The following FRMD6 variants were observed in gnomAD, a reference collection of about 807,000 sequenced individuals.
FRMD6 encodes FERM domain-containing protein 6.
FRMD6 carries 37 observed loss-of-function variants against 73.2 expected under a neutral mutation model. That is an observed-to-expected ratio of 0.51 (90% CI 0.39 to 0.66). The LOEUF is 0.66. Ranked by LOEUF, FRMD6 falls within the 30% of genes least tolerant of loss-of-function variation. The pLI, the probability that FRMD6 is intolerant of heterozygous loss-of-function variation, is 0.00. For synonymous variants in FRMD6, 273 were observed against 282.2 expected, an observed-to-expected ratio of 0.97 and a Z score of 0.33; for missense variants, 714 against 780.5, an observed-to-expected ratio of 0.91 and a Z score of 1.02.
intron 2 of FRMD6, among the ~76,000 whole-genome samples, chr14:51,693,622 T>G (rs1895751949): frequency 6.6e-6 from 1 of 152,214 alleles, no homozygotes; most frequent in African/African-American, 2.4e-5. Flanking sequence ...GTGAAGTGCC[T>G]GCATATGTGA....
At chr14:51,436,515 A>T in the FRMD6 span, 1 of 647,116 alleles carries the variant, frequency 1.5e-6, no homozygotes, top group Non-Finnish European at 2.7e-6. Flanking sequence ...TCTGAATGAG[A>T]GAGGTGATCC....
intron 1 of FRMD6, among the ~76,000 whole-genome samples, chr14:51,528,636 A>G (rs1230276625): frequency 6.6e-6 from 1 of 152,078 alleles, no homozygotes; most frequent in African/African-American, 2.4e-5. Context: ...TGCATTGGGG[A>G]AAGAGGGTAG....
At chr14:51,407,792 T>C in the FRMD6 span, among the ~76,000 whole-genome samples, 1 of 152,158 alleles carries the variant, frequency 6.6e-6, no homozygotes, top group African/African-American at 2.4e-5. Flanking sequence ...ATTGTATTAT[T>C]GATTTCTAAC....
chr14:51,567,681 C>T (rs61969804), intron 1 of FRMD6, among the ~76,000 whole-genome samples: 19,662 of 152,216 alleles, frequency 0.13, 1,476 homozygotes, highest in Non-Finnish European at 0.16. Flanking sequence ...CCTTTATTTG[C>T]CTTAATCACA....
intron 1 of FRMD6, among the ~76,000 whole-genome samples, chr14:51,520,443 A>G (rs779937023): frequency 9.9e-5 from 15 of 152,234 alleles, no homozygotes; most frequent in Non-Finnish European, 1.8e-4. Context: ...TAGATATTTC[A>G]TTCAATATAA....
intron 2 of FRMD6, among the ~76,000 whole-genome samples, chr14:51,571,227 A>G (rs557401196): frequency 6.6e-6 from 1 of 152,276 alleles, no homozygotes; most frequent in South Asian, 2.1e-4. Flanking sequence ...CAGAAAATAA[A>G]AATTAGCCAG....
intron 1 of FRMD6, among the ~76,000 whole-genome samples, chr14:51,501,015 G>A (rs554511832): frequency 6.6e-6 from 1 of 152,296 alleles, no homozygotes; most frequent in Non-Finnish European, 1.5e-5. Context: ...CATTAAGAAA[G>A]CTGGTGCTCA....
upstream of FRMD6, chr14:51,651,661 C>T (rs1400957779): frequency 1.3e-5 from 2 of 152,272 alleles, no homozygotes; most frequent in African/African-American, 4.8e-5. Flanking sequence ...TTTCTCCTGC[C>T]CCCAAGTGGC....
chr14:51,725,884 T>G lies in FRMD6; in HGVS notation c.1584+14T>G. 1 of 1,579,936 alleles carries G rather than the reference T, an allele frequency of 6.3e-7. No homozygotes were observed. Among genetic ancestry groups the G allele is most frequent in the Non-Finnish European group, 8.7e-7 (1 of 1,151,332 alleles). On this transcript the variant is annotated intron_variant, in intron 13 of 13. Coordinates refer to ENST00000344768, the MANE Select transcript of FRMD6 (RefSeq NM_001267046.2). ...TCTCTTCCACAGGTATTAAAGGAAT[T>G]GAAAAATATCAGTTAGGAAACTGAA...
chr14:51,605,773 A>G (rs1566498537), intron 2 of FRMD6, among the ~76,000 whole-genome samples: 1 of 152,168 alleles, frequency 6.6e-6, no homozygotes, highest in East Asian at 1.9e-4. Flanking sequence ...ATACATTTTG[A>G]GACCTGTTGA....
intron 2 of FRMD6, among the ~76,000 whole-genome samples, chr14:51,618,194 T>C (rs1009500996): frequency 1.3e-5 from 2 of 152,176 alleles, no homozygotes; most frequent in Admixed American, 1.3e-4. Context: ...GTAAAACTTT[T>C]TAGAAGACTG....
chr14:51,538,618 T>C (rs759648826), intron 1 of FRMD6, among the ~76,000 whole-genome samples: 1 of 152,216 alleles, frequency 6.6e-6, no homozygotes, highest in Non-Finnish European at 1.5e-5. Context: ...TGAATATTGA[T>C]ATTCAGTTGT....
the FRMD6 span, among the ~76,000 whole-genome samples, chr14:51,439,034 A>G: frequency 6.6e-6 from 1 of 152,256 alleles, no homozygotes; most frequent in African/African-American, 2.4e-5. Flanking sequence ...GCCATTTTGC[A>G]GAGAAGAAGC....
chr14:51,453,662 T>C, the FRMD6 span, among the ~76,000 whole-genome samples: 2 of 152,180 alleles, frequency 1.3e-5, no homozygotes, highest in Admixed American at 6.5e-5. Context: ...GTCTCACACA[T>C]GCATGCACAC....
At chr14:51,475,752 C>G in the FRMD6 span, among the ~76,000 whole-genome samples, 1 of 152,144 alleles carries the variant, frequency 6.6e-6, no homozygotes, top group Non-Finnish European at 1.5e-5. Flanking sequence ...AACTGAGATG[C>G]CTTTTCCCAA....
chr14:51,641,372 T>C (rs563069993), intron 2 of FRMD6, among the ~76,000 whole-genome samples: 4 of 152,210 alleles, frequency 2.6e-5, no homozygotes, highest in Non-Finnish European at 5.9e-5. Context: ...TTTTTTCTTT[T>C]GGGTCTTCAC....
At chr14:51,414,761 C>G in the FRMD6 span, among the ~76,000 whole-genome samples, 1 of 152,068 alleles carries the variant, frequency 6.6e-6, no homozygotes, top group African/African-American at 2.4e-5. Flanking sequence ...GGCCATTTTC[C>G]CGATATTGAT....
chr14:51,485,742 G>A (rs1427331098), upstream of FRMD6, among the ~76,000 whole-genome samples: 1 of 152,204 alleles, frequency 6.6e-6, no homozygotes, highest in Non-Finnish European at 1.5e-5. Context: ...TCATGGGCAT[G>A]GCTCGGTTGA....
intron 1 of FRMD6, among the ~76,000 whole-genome samples, chr14:51,525,312 G>A (rs1885189612): frequency 6.6e-6 from 1 of 151,384 alleles, no homozygotes; most frequent in South Asian, 2.1e-4. Context: ...CTTGTCACCC[G>A]GGCTGGAGTG....
Sources: allele counts gnomAD v4.1 joint callset (sites outside exome capture counted in the v4.1 genomes callset), GRCh38; gene constraint gnomAD v4.1.1; transcripts MANE v1.5; gene names NCBI Gene and HGNC (gene_info 2026-07-23, HGNC 2026-07-21).